HDAC4: variants seen among roughly 807,000 people sequenced by gnomAD.
The protein encoded by HDAC4 is histone deacetylase 4, also known as histone deacetylase A.
In HDAC4, 16 loss-of-function variants were observed where a neutral mutation model predicts 135.1. The observed-to-expected ratio is 0.12, with a 90% CI of 0.08 to 0.18. The LOEUF is 0.18. HDAC4 is among the 10% of genes least tolerant of loss of function. HDAC4 has a pLI of 1.00. For missense variants in HDAC4, 1,143 were observed against 1,511.8 expected, an observed-to-expected ratio of 0.76 and a Z score of 4.05; for synonymous variants, 685 against 653.4, an observed-to-expected ratio of 1.05 and a Z score of -0.74.
At chr2:239,265,972 T>A (rs970212486) in intron 2 of HDAC4, among the ~76,000 whole-genome samples, 4 of 152,134 alleles carry the variant, frequency 2.6e-5, no homozygotes, top group African/African-American at 9.7e-5. Flanking sequence ...TCCATCCTCA[T>A]ACACCAACCG....
rs549784624 is a variant in HDAC4 at position 239,383,206 on chromosome 2, CT to C, written c.-220+17771del. On this transcript the variant is annotated intron_variant, in intron 1 of 26. Coordinates refer to ENST00000543185, the MANE Select transcript of HDAC4 (RefSeq NM_001378414.1). ...ATGTGCTTGTTTCCCGTGGCCACCC[CT>C]GACCCTGGCTCCAGCCCACAGGGGG... Among the ~76,000 whole-genome samples the C allele has an allele frequency of 9.8e-5, 15 of 152,296 alleles. No homozygotes were observed. The South Asian group carries it at 2.7e-3, about 27-fold the overall frequency.
At chr2:239,332,389 T>G (rs1158871455) in intron 2 of HDAC4, among the ~76,000 whole-genome samples, 1 of 152,046 alleles carries the variant, frequency 6.6e-6, no homozygotes, top group Non-Finnish European at 1.5e-5. Context: ...TTACATAAAA[T>G]GAGTGACCAC....
At chr2:239,178,740 G>C (rs1395181778) in intron 4 of HDAC4, among the ~76,000 whole-genome samples, 1 of 152,196 alleles carries the variant, frequency 6.6e-6, no homozygotes, top group Non-Finnish European at 1.5e-5. Flanking sequence ...AGGGGACGGT[G>C]AGAGGGTACG....
intron 1 of HDAC4, among the ~76,000 whole-genome samples, chr2:239,362,631 C>G (rs1024587402): frequency 2.2e-4 from 33 of 152,160 alleles, no homozygotes; most frequent in African/African-American, 7.7e-4. Flanking sequence ...ACGGCCAGTG[C>G]TAGTGAACCA....
rs550507621 is a variant in HDAC4 at position 239,176,458 on chromosome 2, C to T, written c.445G>A (p.Glu149Lys). ...TTCTTGAGCTGCTGCAGCTTCTGCT[C>T]CCGGTGCTGCTTCTCCAGCTCCTGC... ...QEQELEKQHR[E>K]QKLQQLKNKE... Residue 149 changes from glutamate to lysine, a missense_variant, in exon 5 of 27, where the codon GAG (glutamate) becomes AAG (lysine). Glu to Lys is a moderately conservative substitution (Grantham distance 56). This residue lies in a region of HDAC4 where 247 missense variants were observed against 310.0 expected (regional missense o/e 0.80). Transcript: ENST00000543185. The T allele has an allele frequency of 6.2e-7, 1 of 1,613,170 alleles. No individual in the cohort carries two copies. The highest frequency in any genetic ancestry group is 2.2e-5 in the East Asian group (1 of 44,838).
At chr2:239,122,509 G>A (rs2152835652) in intron 12 of HDAC4, among the ~76,000 whole-genome samples, 1 of 152,296 alleles carries the variant, frequency 6.6e-6, no homozygotes, top group African/African-American at 2.4e-5. Flanking sequence ...CCTTCATGCA[G>A]CAAACCCTTA....
At chr2:239,372,999 A>G (rs1273102331) in intron 1 of HDAC4, among the ~76,000 whole-genome samples, 1 of 151,996 alleles carries the variant, frequency 6.6e-6, no homozygotes, top group Non-Finnish European at 1.5e-5. Context: ...TCTCCCACTC[A>G]TGGGCACAGA....
In HDAC4 at chr2:239,081,103, C is replaced by T. The variant is rs756802506; in HGVS notation, c.2742G>A (p.Ala914=). ...GAAGCCGGGAGGCTCACCTGAAGGC[C>T]GCCAAGTACTCAGCGTCTCCCATGG... ...DPPMGDAEYL[A]AFRTVVMPIA... Residue 914 remains alanine, a synonymous_variant, in exon 22 of 27, where the codon GCG becomes GCA. Coordinates refer to ENST00000543185, the MANE Select transcript of HDAC4 (RefSeq NM_001378414.1). The T allele has an allele frequency of 2.2e-5, 35 of 1,613,382 alleles. No individual in the cohort carries two copies. In the Admixed American group the frequency reaches 3.5e-4, roughly 16 times the overall value.
At chr2:239,325,325 G>A (rs989347601) in intron 2 of HDAC4, among the ~76,000 whole-genome samples, 1 of 152,140 alleles carries the variant, frequency 6.6e-6, no homozygotes, top group Non-Finnish European at 1.5e-5. Flanking sequence ...GGAGATATTT[G>A]CAGATTATAT....
chr2:239,211,561 T>C (rs1326028262), intron 3 of HDAC4, among the ~76,000 whole-genome samples: 1 of 152,212 alleles, frequency 6.6e-6, no homozygotes, highest in African/African-American at 2.4e-5. Flanking sequence ...GTTTCTCACC[T>C]CACTTGGCTT....
At chr2:239,174,229 G>A (rs1440440709) in intron 5 of HDAC4, among the ~76,000 whole-genome samples, 2 of 152,190 alleles carry the variant, frequency 1.3e-5, no homozygotes, top group Non-Finnish European at 2.9e-5. Flanking sequence ...TTAAGAGAGT[G>A]AACAGGCAAA....
intron 3 of HDAC4, among the ~76,000 whole-genome samples, chr2:239,226,617 C>G (rs1251925071): frequency 6.6e-6 from 1 of 152,190 alleles, no homozygotes; most frequent in Non-Finnish European, 1.5e-5. Flanking sequence ...ACAGTAAGCT[C>G]TTCAGAAATC....
At chr2:239,195,811 C>T (rs2045342770) in intron 3 of HDAC4, among the ~76,000 whole-genome samples, 1 of 152,218 alleles carries the variant, frequency 6.6e-6, no homozygotes, top group South Asian at 2.1e-4. Flanking sequence ...AGCACAAAGG[C>T]CGCATTCAGA....
At chr2:239,323,735 G>A (rs542341624) in intron 2 of HDAC4, among the ~76,000 whole-genome samples, 12 of 152,018 alleles carry the variant, frequency 7.9e-5, no homozygotes, top group Non-Finnish European at 1.8e-4. Context: ...GGAAGATGCC[G>A]GTGAGAGCTC....
intron 12 of HDAC4, among the ~76,000 whole-genome samples, chr2:239,119,238 C>T (rs558442061): frequency 3.9e-5 from 6 of 152,124 alleles, no homozygotes; most frequent in Non-Finnish European, 8.8e-5. Context: ...GAGCAAAGAA[C>T]AAAGAATCTG....
chr2:239,195,593 A>G (rs1168896584), intron 3 of HDAC4, among the ~76,000 whole-genome samples: 1 of 152,234 alleles, frequency 6.6e-6, no homozygotes, highest in Admixed American at 6.5e-5. Flanking sequence ...ACCATTCAAA[A>G]TGCCACGAGT....
chr2:239,244,302 G>C (rs1431942351), intron 2 of HDAC4, among the ~76,000 whole-genome samples: 4 of 152,154 alleles, frequency 2.6e-5, no homozygotes, highest in African/African-American at 9.7e-5. Flanking sequence ...TGGGAGGATT[G>C]GCCATGAGGA....
chr2:239,071,739 T>C (rs2034218097), intron 22 of HDAC4, among the ~76,000 whole-genome samples: 1 of 152,138 alleles, frequency 6.6e-6, no homozygotes, highest in Admixed American at 6.5e-5. Context: ...CTGTTGAACA[T>C]TTCCACCGAA....
At chr2:239,260,215 T>TGCACACAC (rs2125081009) in intron 2 of HDAC4, among the ~76,000 whole-genome samples, 1 of 152,304 alleles carries the variant, frequency 6.6e-6, no homozygotes, top group African/African-American at 2.4e-5. Context: ...ACGACTCTCT[T>TGCACACAC]GCACACACGC....
Sources: allele counts gnomAD v4.1 joint callset (sites outside exome capture counted in the v4.1 genomes callset), GRCh38; gene constraint gnomAD v4.1.1; regional missense constraint gnomAD v4.1.1; transcripts MANE v1.5; gene names NCBI Gene and HGNC (gene_info 2026-07-23, HGNC 2026-07-21).